ACACA: variants seen among roughly 807,000 people sequenced by gnomAD.
The protein encoded by ACACA is acetyl-CoA carboxylase alpha.
A neutral mutation model predicts 296.1 loss-of-function variants in ACACA; 103 were observed. That is an observed-to-expected ratio of 0.35 (90% CI 0.30 to 0.41). ACACA has a LOEUF of 0.41. ACACA is among the 10% of genes least tolerant of loss of function. ACACA has a pLI of 1.00. For synonymous variants in ACACA, 953 were observed against 1,038.6 expected (o/e 0.92, Z 1.58); for missense variants, 1,554 against 2,989.7 (o/e 0.52, Z 11.20).
chr17:37,179,257 T>C lies in ACACA; in HGVS notation c.5079+3A>G. On this transcript the variant is annotated splice_donor_region_variant and intron_variant, in intron 41 of 55. Transcript: ENST00000616317. ...AAAGGGAAGGGGGGTTTCAACTACT[T>C]GCCTCATTTCCTCCTGGAAGCCTGT... is the stretch of plus-strand genomic sequence containing the variant. 1 of 1,614,082 alleles carries C rather than the reference T, an allele frequency of 6.2e-7. No homozygotes were observed. Among genetic ancestry groups the C allele is most frequent in the East Asian group, 2.2e-5 (1 of 44,864 alleles).
chr17:37,226,647 G>A (rs1352045556), intron 25 of ACACA, among the ~76,000 whole-genome samples, 195 bp from the exon 26 acceptor site: 2 of 152,112 alleles, frequency 1.3e-5, no homozygotes, highest in Non-Finnish European at 2.9e-5. Context: ...AGGAGAGGCA[G>A]CCCAAATCCC....
chr17:37,246,980 G>A lies in ACACA; in HGVS notation c.2310-4C>T. 1 of 1,613,934 alleles carries A rather than the reference G, an allele frequency of 6.2e-7. No homozygotes were observed. Among genetic ancestry groups the A allele is most frequent in the South Asian group, 1.1e-5 (1 of 91,060 alleles). On this transcript the variant is annotated splice_polypyrimidine_tract_variant and splice_region_variant and intron_variant, in intron 18 of 55. Coordinates refer to ENST00000616317, the MANE Select transcript of ACACA (RefSeq NM_198834.3). The stretch of plus-strand genomic sequence containing the variant: ...ATTGCCAATTGTGATGCGATATCTA[G>A]GAGACAAGTGGAAGTATGTAAGCTA...
At chr17:37,121,898 G>A (rs1187414178) in intron 49 of ACACA, among the ~76,000 whole-genome samples, 2 of 152,140 alleles carry the variant, frequency 1.3e-5, no homozygotes. Flanking sequence ...GACAATTGAC[G>A]TCACACTGCT....
At chr17:37,310,828 T>C (rs995683191) in intron 3 of ACACA, among the ~76,000 whole-genome samples, 2 of 142,654 alleles carry the variant, frequency 1.4e-5, no homozygotes, top group Non-Finnish European at 3.1e-5. Flanking sequence ...AGAAAATGTA[T>C]ATCAAGTAAA....
chr17:37,315,500 A>C (rs2047046854), intron 3 of ACACA, among the ~76,000 whole-genome samples: 1 of 152,194 alleles, frequency 6.6e-6, no homozygotes, highest in African/African-American at 2.4e-5. Context: ...GCTCAGTCCC[A>C]CAAGACTGTC....
chr17:37,315,048 T>C (rs1242492889), intron 3 of ACACA, among the ~76,000 whole-genome samples: 1 of 124,098 alleles, frequency 8.1e-6, no homozygotes, highest in African/African-American at 3.1e-5. Flanking sequence ...AACCTCCACC[T>C]CCCGGGTTCA....
At chr17:37,358,391 G>A (rs2049238813) in intron 1 of ACACA, among the ~76,000 whole-genome samples, 1 of 152,194 alleles carries the variant, frequency 6.6e-6, no homozygotes, top group Admixed American at 6.6e-5. Flanking sequence ...AGTAACAAAA[G>A]GCATGTACAT....
chr17:37,350,732 G>A (rs1237846663), intron 1 of ACACA, among the ~76,000 whole-genome samples: 3 of 152,070 alleles, frequency 2.0e-5, no homozygotes, highest in African/African-American at 4.8e-5. Context: ...CCAGCTACTC[G>A]GGAGGCTGAG....
chr17:37,301,357 A>G, intron 3 of ACACA: 1 of 985,050 alleles, frequency 1.0e-6, no homozygotes, highest in South Asian at 4.7e-5. Flanking sequence ...TCTACCATGA[A>G]CAGTGTCCAA....
At chr17:37,167,058 C>G (rs1404216472) in intron 41 of ACACA, among the ~76,000 whole-genome samples, 1 of 151,400 alleles carries the variant, frequency 6.6e-6, no homozygotes, top group Non-Finnish European at 1.5e-5. Flanking sequence ...AATTCTCCTG[C>G]CTCAGTTTCC....
At chr17:37,190,977 T>C in intron 38 of ACACA, 143 bp downstream of exon 38, 6 of 1,052,034 alleles carry the variant, frequency 5.7e-6, no homozygotes, top group East Asian at 2.6e-5. Flanking sequence ...CTCAATCTTA[T>C]AAACATTCTA....
At chr17:37,299,661 A>C in intron 3 of ACACA, 1 of 1,095,098 alleles carries the variant, frequency 9.1e-7, no homozygotes. Context: ...GTTTAACTAG[A>C]AAGTAGATCT....
At chr17:37,331,907 A>C (rs2047902528) in intron 2 of ACACA, among the ~76,000 whole-genome samples, 1 of 152,098 alleles carries the variant, frequency 6.6e-6, no homozygotes, top group South Asian at 2.1e-4. Context: ...AATTAAAAAA[A>C]AAAAAACTTT....
chr17:37,129,954 G>A (rs1203313350), intron 46 of ACACA, 121 bp downstream of exon 46: 1 of 1,378,622 alleles, frequency 7.3e-7, no homozygotes, highest in Non-Finnish European at 1.0e-6. Flanking sequence ...AGCTTTCAGA[G>A]AAATATTTTA....
chr17:37,170,850 C>T (rs1452855653), intron 41 of ACACA, among the ~76,000 whole-genome samples: 2 of 152,218 alleles, frequency 1.3e-5, no homozygotes, highest in Non-Finnish European at 2.9e-5. Context: ...CTTCCCAAAG[C>T]TGCTGTTGTT....
rs146494713 is a variant in ACACA, at chr17:37,252,202, C to A, written c.1978-94G>T. The A allele has an allele frequency of 4.6e-4, 448 of 969,606 alleles. 1 individual carries two copies. The African/African-American group carries it at 6.2e-3, about 13-fold the overall frequency. The allele number at this position is 969,606 out of a possible 1,614,324, so 60.1% of individuals were successfully genotyped here. A position where few individuals can be genotyped will look rare whatever the true frequency, so the allele number is the denominator to read the frequency against. ...CAGGCTCAAATTTGTTGTGATGAAA[C>A]AGCTAGCAATGAAAATCTCCATTCT... On this transcript the variant is annotated intron_variant, in intron 15 of 55. Coordinates refer to ENST00000616317, the MANE Select transcript of ACACA (RefSeq NM_198834.3).
intron 1 of ACACA, chr17:37,365,379 A>G (rs2049571629): frequency 1.1e-6 from 1 of 916,708 alleles, no homozygotes; most frequent in Admixed American, 6.2e-5. Context: ...ATAGCTCTTC[A>G]AGTAGGACTA....
intron 3 of ACACA, among the ~76,000 whole-genome samples, chr17:37,298,090 T>C (rs1486522548): frequency 6.6e-6 from 1 of 152,134 alleles, no homozygotes; most frequent in Admixed American, 6.6e-5. Flanking sequence ...ACAGAGTAGC[T>C]GGTACTACAG....
intron 25 of ACACA, among the ~76,000 whole-genome samples, chr17:37,232,645 A>G (rs907395719): frequency 1.3e-5 from 2 of 152,166 alleles, no homozygotes; most frequent in Admixed American, 1.3e-4. Flanking sequence ...GCTGGCCCTG[A>G]GCTTGATCAT....
Sources: gnomAD v4.1 joint callset for allele counts (sites outside exome capture counted in the v4.1 genomes callset) on GRCh38, gnomAD v4.1.1 for gene constraint, MANE v1.5 for transcripts, NCBI Gene and HGNC (gene_info 2026-07-23, HGNC 2026-07-21) for gene names.